DOCK4: variants seen among roughly 807,000 people sequenced by gnomAD.
DOCK4 encodes dedicator of cytokinesis 4, also known as dedicator of cytokinesis protein 4.
A neutral mutation model predicts 268.1 loss-of-function variants in DOCK4; 97 were observed. That is an observed-to-expected ratio of 0.36 (90% CI 0.31 to 0.43). The LOEUF (loss-of-function observed/expected upper bound fraction) is 0.43. Among genes scored for constraint, DOCK4 ranks in the 20% least tolerant of loss-of-function variants. The pLI is 1.00. For synonymous variants in DOCK4, 954 were observed against 887.2 expected (o/e 1.08, Z -1.34); for missense variants, 2,145 against 2,455.7 (o/e 0.87, Z 2.67).
chr7:112,098,310 C>G (rs1810339409), intron 1 of DOCK4, among the ~76,000 whole-genome samples: 1 of 151,970 alleles, frequency 6.6e-6, no homozygotes, highest in Non-Finnish European at 1.5e-5. Flanking sequence ...TCCTGAGTAG[C>G]TGGGATTACA....
chr7:111,806,993 AT>A (rs1308959425), intron 30 of DOCK4, among the ~76,000 whole-genome samples: 1 of 152,196 alleles, frequency 6.6e-6, no homozygotes, highest in African/African-American at 2.4e-5. Context: ...GTTTAGGGAG[AT>A]TACATGTGAC....
chr7:111,877,287 T>A, intron 16 of DOCK4, 101 bp from the exon 17 acceptor site: 1 of 1,021,908 alleles, frequency 9.8e-7, no homozygotes, highest in Non-Finnish European at 1.3e-6. Flanking sequence ...TGGGAAACAT[T>A]CCAAACAGTA....
At chr7:112,080,407 A>C (rs558484822) in intron 1 of DOCK4, among the ~76,000 whole-genome samples, 1 of 152,326 alleles carries the variant, frequency 6.6e-6, no homozygotes, top group Non-Finnish European at 1.5e-5. Context: ...AATTTAAAAA[A>C]GTTTTTACAT....
chr7:112,173,081 C>T (rs1023548182), intron 1 of DOCK4, among the ~76,000 whole-genome samples: 4 of 152,180 alleles, frequency 2.6e-5, no homozygotes, highest in African/African-American at 9.7e-5. Flanking sequence ...TCTGGCATGT[C>T]AACAGCTCAA....
intron 25 of DOCK4, among the ~76,000 whole-genome samples, chr7:111,844,194 T>G (rs560616117): frequency 3.9e-5 from 6 of 152,198 alleles, no homozygotes; most frequent in Non-Finnish European, 8.8e-5. Context: ...GAGAATTACT[T>G]GAACCCGGGA....
chr7:111,847,042 C>T lies in DOCK4; in HGVS notation c.2558G>A (p.Arg853His), dbSNP rs2074130. 11,382 of 1,613,734 alleles carry T rather than the reference C, an allele frequency of 7.1e-3. 726 individuals are homozygous for T. The East Asian group carries it at 0.15, about 21-fold the overall frequency. Residue 853 changes from arginine (R) to histidine (H), a missense_variant, in exon 24 of 53, where the codon CGT becomes CAT. Physicochemically the swap from Arg to His is conservative, Grantham distance 29 (BLOSUM62 0). Around this residue, in one of 2 missense-constraint regions of DOCK4, gnomAD observed 1,598 missense variants for 1,986.7 expected, o/e 0.80. Transcript: ENST00000428084. ...AAGACAAAATACGTTGCTAAGGATACGTGCACACATGATCAGGTCCTTCTG... is the reference window on the plus strand; with the variant it reads ...AAGACAAAATACGTTGCTAAGGATATGTGCACACATGATCAGGTCCTTCTG... ...QEQKDLIMCA[R>H]ILSNVFCLIK...
At chr7:111,963,087 A>C (rs1167717537) in intron 8 of DOCK4, among the ~76,000 whole-genome samples, 3 of 152,216 alleles carry the variant, frequency 2.0e-5, no homozygotes, top group Non-Finnish European at 2.9e-5. Flanking sequence ...ACTTTAACCG[A>C]TGAAGCCCTA....
At chr7:111,953,047 G>A in intron 8 of DOCK4, among the ~76,000 whole-genome samples, 1 of 152,026 alleles carries the variant, frequency 6.6e-6, no homozygotes, top group East Asian at 1.9e-4. Context: ...GCAACAGGGT[G>A]AAACCTTGTC....
intron 12 of DOCK4, among the ~76,000 whole-genome samples, chr7:111,926,032 T>A (rs1345301014): frequency 1.8e-4 from 25 of 135,382 alleles, no homozygotes; most frequent in East Asian, 1.6e-3. Flanking sequence ...GAGGCGGAGG[T>A]TGTAGTGAGC....
chr7:112,124,517 C>A (rs1444307444), intron 1 of DOCK4, among the ~76,000 whole-genome samples: 3 of 152,156 alleles, frequency 2.0e-5, no homozygotes, highest in Non-Finnish European at 4.4e-5. Flanking sequence ...AATACAAGTT[C>A]TTTTTCTCCT....
At chr7:111,771,181 T>A (rs1195828696) in intron 36 of DOCK4, among the ~76,000 whole-genome samples, 1 of 152,256 alleles carries the variant, frequency 6.6e-6, no homozygotes, top group East Asian at 1.9e-4. Context: ...TTGCTCATGA[T>A]CTGGTTCTTA....
At chr7:112,088,916 C>T (rs1372221577) in intron 1 of DOCK4, among the ~76,000 whole-genome samples, 2 of 152,060 alleles carry the variant, frequency 1.3e-5, no homozygotes, top group East Asian at 3.9e-4. Flanking sequence ...AAAGAGCTTA[C>T]AGTAACAGCT....
chr7:112,001,404 C>T (rs1261123643), intron 2 of DOCK4, among the ~76,000 whole-genome samples: 1 of 152,178 alleles, frequency 6.6e-6, no homozygotes. Context: ...TCCACACTGT[C>T]AGTGCTACCC....
intron 7 of DOCK4, among the ~76,000 whole-genome samples, chr7:111,978,152 G>T (rs920463138): frequency 1.3e-5 from 2 of 152,150 alleles, no homozygotes; most frequent in African/African-American, 4.8e-5. Flanking sequence ...TATCTACTAG[G>T]GGAAGCAGAC....
Position 111,976,269 on chromosome 7 carries a change from TTATATATATATATATATATATATA to T in DOCK4, c.701+839_701+862del, listed in dbSNP as rs60146972. On this transcript the variant is annotated intron_variant, in intron 8 of 52. Transcript: ENST00000428084. Reference sequence around the variant, plus strand: ...GTATATATATGTGTATGTGTGTCTATTATATATATATATATATATATATATATATATATATATATATATATATAT... The same window carrying T: ...GTATATATATGTGTATGTGTGTCTATTATATATATATATATATATATATAT... 2.4e-3 allele frequency among the ~76,000 whole-genome samples: 81 copies of T among 33,142 alleles called. 3 individuals carry two copies. The highest frequency in any genetic ancestry group is 0.017 in the Middle Eastern group (1 of 60). The allele number at this position is 33,142 out of a possible 152,430, so 21.7% of individuals were successfully genotyped here.
At chr7:111,869,528 G>T in intron 21 of DOCK4, 46 bp downstream of exon 21, 1 of 1,554,552 alleles carries the variant, frequency 6.4e-7, no homozygotes, top group Non-Finnish European at 8.9e-7. Context: ...GCATCAGCAT[G>T]CAACAGCTTT....
intron 5 of DOCK4, among the ~76,000 whole-genome samples, chr7:111,990,593 G>C (rs1693827671): frequency 6.6e-6 from 1 of 152,176 alleles, no homozygotes; most frequent in Non-Finnish European, 1.5e-5. Flanking sequence ...AGACAAATTT[G>C]CCAGAGGAAC....
At chr7:111,851,359 C>T (rs543290052) in intron 23 of DOCK4, among the ~76,000 whole-genome samples, 4 of 149,902 alleles carry the variant, frequency 2.7e-5, no homozygotes, top group African/African-American at 4.9e-5. Context: ...GCAGGAGAAT[C>T]GCTTGAACCT....
rs537597748 is a variant in DOCK4 at position 111,951,497 on chromosome 7, G to T, written c.702-5699C>A. 5.3e-5 allele frequency among the ~76,000 whole-genome samples: 8 copies of T among 152,116 alleles called. No homozygotes were observed. In the South Asian group the frequency reaches 1.7e-3, roughly 32 times the overall value. On this transcript the variant is annotated intron_variant, in intron 8 of 52. Transcript: ENST00000428084. ...CCAAAATGCAACCCTCTCTTTGAAAGAACAGGGCACCTCAGAGCACCAAAG... is the reference window on the plus strand; with the variant it reads ...CCAAAATGCAACCCTCTCTTTGAAATAACAGGGCACCTCAGAGCACCAAAG...
Sources: allele counts gnomAD v4.1 joint callset (sites outside exome capture counted in the v4.1 genomes callset), GRCh38; gene constraint gnomAD v4.1.1; regional missense constraint gnomAD v4.1.1; transcripts MANE v1.5; gene names NCBI Gene and HGNC (gene_info 2026-07-23, HGNC 2026-07-21).